Variants in RAD51B observed in about 807,000 individuals in gnomAD.
RAD51B encodes RAD51 paralog B.
Under a neutral mutation model 42.2 loss-of-function variants are expected in RAD51B, and 38 were observed. The observed-to-expected ratio is 0.90, with a 90% CI of 0.70 to 1.18. The LOEUF is 1.18. RAD51B is among the 50% of genes most tolerant of loss of function. RAD51B has a pLI of 0.00. For missense variants in RAD51B, 373 were observed against 400.7 expected, an observed-to-expected ratio of 0.93 and a Z score of 0.59; for synonymous variants, 154 against 145.2, an observed-to-expected ratio of 1.06 and a Z score of -0.43.
At chr14:67,910,400 T>C (rs934181041) in intron 7 of RAD51B, among the ~76,000 whole-genome samples, 1 of 44,392 alleles carries the variant, frequency 2.3e-5, no homozygotes. Context: ...AGCGAGACTC[T>C]GTCTCAAAAA....
chr14:68,582,205 A>G (rs991929400), intron 10 of RAD51B, among the ~76,000 whole-genome samples: 1 of 152,252 alleles, frequency 6.6e-6, no homozygotes, highest in Non-Finnish European at 1.5e-5. Context: ...AGAAACTATC[A>G]TAAGAGTGAA....
At chr14:68,615,369 G>A (rs544229665), downstream of RAD51B, among the ~76,000 whole-genome samples, 30 of 150,428 alleles carry the variant, frequency 2.0e-4, no homozygotes, top group Middle Eastern at 3.4e-3. Flanking sequence ...TTTTTGAGAC[G>A]GAGTCTCGCT....
chr14:68,238,495 AG>A (rs778674771), intron 7 of RAD51B, among the ~76,000 whole-genome samples: 60 of 152,086 alleles, frequency 3.9e-4, no homozygotes, highest in South Asian at 6.2e-4. Context: ...GTAGAGACAA[AG>A]ATCTCACTGT....
intron 10 of RAD51B, among the ~76,000 whole-genome samples, chr14:68,542,152 T>A (rs1442870589): frequency 6.6e-6 from 1 of 152,206 alleles, no homozygotes; most frequent in East Asian, 1.9e-4. Flanking sequence ...TTAGCTAATA[T>A]GTCAAAAGCA....
At chr14:67,916,242 A>G (rs2044145575) in intron 7 of RAD51B, among the ~76,000 whole-genome samples, 1 of 151,908 alleles carries the variant, frequency 6.6e-6, no homozygotes, top group African/African-American at 2.4e-5. Flanking sequence ...TTGCATTAAC[A>G]CTTTCCCTTT....
chr14:67,879,250 T>C (rs907340484), intron 5 of RAD51B, among the ~76,000 whole-genome samples: 1 of 152,252 alleles, frequency 6.6e-6, no homozygotes, highest in African/African-American at 2.4e-5. Context: ...GTTAAGGCTT[T>C]TCAAGTGATT....
At chr14:67,917,447 T>C (rs958419191) in intron 7 of RAD51B, among the ~76,000 whole-genome samples, 2 of 152,238 alleles carry the variant, frequency 1.3e-5, no homozygotes, top group African/African-American at 4.8e-5. Context: ...TCTTGAGAAC[T>C]CACTAGCGTG....
At chr14:68,636,399 A>G in intron 10 of RAD51B, among the ~76,000 whole-genome samples, 1 of 152,058 alleles carries the variant, frequency 6.6e-6, no homozygotes, top group East Asian at 1.9e-4. Flanking sequence ...CCTGGCCAAC[A>G]TGGTGAAACC....
At chr14:67,860,056 A>T (rs1456107778) in intron 4 of RAD51B, among the ~76,000 whole-genome samples, 1 of 152,146 alleles carries the variant, frequency 6.6e-6, no homozygotes, top group East Asian at 1.9e-4. Context: ...TTCCGACCTC[A>T]GGTGATCTGC....
chr14:68,559,914 C>T (rs1426376908), intron 10 of RAD51B, among the ~76,000 whole-genome samples: 1 of 152,192 alleles, frequency 6.6e-6, no homozygotes, highest in Non-Finnish European at 1.5e-5. Flanking sequence ...GGCAGCAGCT[C>T]TGCTGGCTGC....
chr14:68,307,187 C>G (rs548261658), intron 8 of RAD51B, among the ~76,000 whole-genome samples: 9 of 151,920 alleles, frequency 5.9e-5, no homozygotes, highest in Admixed American at 2.0e-4. Context: ...GGCCCTGATC[C>G]ACACACTCTC....
chr14:68,261,746 C>T (rs759948401), intron 7 of RAD51B, among the ~76,000 whole-genome samples: 1 of 151,038 alleles, frequency 6.6e-6, no homozygotes, highest in African/African-American at 2.4e-5. Flanking sequence ...TTTTTAAATC[C>T]CTGCTTATCC....
At position 67,825,577 on chromosome 14, in the gene RAD51B, G is replaced by A. The variant is rs1344300946; in HGVS notation, c.198G>A (p.Thr66=). The A allele has an allele frequency of 1.3e-6, 2 of 1,574,754 alleles. No individual in the cohort carries two copies. The highest frequency in any genetic ancestry group is 1.1e-5 in the South Asian group (1 of 87,286). ...VSRACAPKMQ[T]AYGIKAQRSA... ...GGGCCTGTGCCCCAAAGATGCAAAC[G>A]GTATATTTATATTTTATTATGATTT... Residue 66 remains threonine, a splice_region_variant and synonymous_variant, in exon 3 of 11, where the codon ACG becomes ACA. Coordinates refer to ENST00000471583, the MANE Select transcript of RAD51B (RefSeq NM_133510.4).
At chr14:67,941,834 C>G (rs2045221049) in intron 7 of RAD51B, among the ~76,000 whole-genome samples, 1 of 152,168 alleles carries the variant, frequency 6.6e-6, no homozygotes, top group Admixed American at 6.5e-5. Context: ...CTTTTTGGCC[C>G]CAGCCTAGTT....
At chr14:68,341,110 C>G (rs930052653) in intron 8 of RAD51B, among the ~76,000 whole-genome samples, 1 of 152,130 alleles carries the variant, frequency 6.6e-6, no homozygotes. Context: ...ATGTTAATGA[C>G]TAAATTAGAA....
At chr14:68,054,458 A>G (rs771466871) in intron 7 of RAD51B, among the ~76,000 whole-genome samples, 1 of 152,204 alleles carries the variant, frequency 6.6e-6, no homozygotes, top group Non-Finnish European at 1.5e-5. Flanking sequence ...ATGAATTCAT[A>G]TTGATAACTA....
chr14:68,416,030 G>C (rs528119520), intron 9 of RAD51B, among the ~76,000 whole-genome samples: 7 of 152,054 alleles, frequency 4.6e-5, no homozygotes, highest in African/African-American at 1.4e-4. Flanking sequence ...TTCTATTTAG[G>C]AGGCACCCTG....
At chr14:67,979,051 G>A (rs1803765445) in intron 7 of RAD51B, among the ~76,000 whole-genome samples, 1 of 152,134 alleles carries the variant, frequency 6.6e-6, no homozygotes, top group Non-Finnish European at 1.5e-5. Flanking sequence ...TTTACTGAAG[G>A]AGAAGAAAAG....
At chr14:68,558,210 G>A (rs1377492335) in intron 10 of RAD51B, among the ~76,000 whole-genome samples, 1 of 152,184 alleles carries the variant, frequency 6.6e-6, no homozygotes, top group Admixed American at 6.5e-5. Context: ...CCTTTCAAGT[G>A]TTGGTTTCCG....
Sources: allele counts gnomAD v4.1 joint callset (sites outside exome capture counted in the v4.1 genomes callset), GRCh38; gene constraint gnomAD v4.1.1; transcripts MANE v1.5; gene names NCBI Gene and HGNC (gene_info 2026-07-23, HGNC 2026-07-21).